Variants in MYH11 observed in about 807,000 individuals in gnomAD.
MYH11 encodes myosin-11.
MYH11 carries 80 observed loss-of-function variants against 246.6 expected under a neutral mutation model. The ratio of observed to expected loss-of-function variants is 0.32; its 90% CI spans 0.27 to 0.39. The LOEUF (loss-of-function observed/expected upper bound fraction) is 0.39. Among genes scored for constraint, MYH11 ranks in the 10% least tolerant of loss-of-function variants. MYH11 has a pLI of 1.00. For missense variants in MYH11, 2,158 were observed against 2,546.8 expected (o/e 0.85, Z 3.29); for synonymous variants, 1,071 against 1,015.5 (o/e 1.05, Z -1.04).
At chr16:15,845,540 G>T (rs2044165136) in intron 1 of MYH11, among the ~76,000 whole-genome samples, 1 of 152,070 alleles carries the variant, frequency 6.6e-6, no homozygotes, top group Admixed American at 6.6e-5. Context: ...GTTTATTTCT[G>T]GACAGCCATA....
At chr16:15,846,117 G>A (rs1457880405) in intron 1 of MYH11, among the ~76,000 whole-genome samples, 2 of 151,980 alleles carry the variant, frequency 1.3e-5, no homozygotes, top group East Asian at 3.9e-4. Flanking sequence ...AGAAGTGTCA[G>A]AGCTGGGACC....
At chr16:15,810,445 A>T (rs889973811) in intron 3 of MYH11, among the ~76,000 whole-genome samples, 1 of 152,196 alleles carries the variant, frequency 6.6e-6, no homozygotes, top group Non-Finnish European at 1.5e-5. Context: ...TGAACTTTTC[A>T]TGATTAGTCA....
intron 3 of MYH11, among the ~76,000 whole-genome samples, chr16:15,807,114 A>G (rs1045024209): frequency 2.0e-5 from 3 of 152,096 alleles, no homozygotes; most frequent in Non-Finnish European, 4.4e-5. Flanking sequence ...GGTGCATGCC[A>G]CTACGCCTGG....
intron 27 of MYH11, among the ~76,000 whole-genome samples, chr16:15,731,324 A>T (rs1356204921): frequency 6.6e-6 from 1 of 152,254 alleles, no homozygotes; most frequent in Middle Eastern, 3.4e-3. Flanking sequence ...GGTGCAAATC[A>T]TGGCTCTGTC....
At chr16:15,794,975 G>T (rs1459571796) in intron 4 of MYH11, among the ~76,000 whole-genome samples, 4 of 152,154 alleles carry the variant, frequency 2.6e-5, no homozygotes, top group Non-Finnish European at 5.9e-5. Flanking sequence ...TTCACGAGGG[G>T]AACGGGACTT....
intron 12 of MYH11, 80 bp from the exon 13 acceptor site, chr16:15,758,080 C>T (rs1318158969): frequency 7.5e-6 from 12 of 1,600,106 alleles, no homozygotes; most frequent in Admixed American, 5.0e-5. Context: ...AAGCTCCACC[C>T]GACAGCGCCC....
intron 40 of MYH11, among the ~76,000 whole-genome samples, chr16:15,711,836 G>A (rs1010572716): frequency 3.9e-5 from 6 of 152,120 alleles, no homozygotes; most frequent in African/African-American, 1.4e-4. Flanking sequence ...GGGATTACAG[G>A]CACGCCCCAC....
chr16:15,811,400 A>T (rs907664128), intron 3 of MYH11, among the ~76,000 whole-genome samples: 3 of 152,166 alleles, frequency 2.0e-5, no homozygotes, highest in Admixed American at 2.0e-4. Flanking sequence ...GAAGAGTAAC[A>T]TTCTGAGGGC....
At chr16:15,770,107 C>T (rs1441128505) in intron 9 of MYH11, among the ~76,000 whole-genome samples, 1 of 152,126 alleles carries the variant, frequency 6.6e-6, no homozygotes, top group East Asian at 1.9e-4. Context: ...AAAACTGACC[C>T]CTGTCCCAAA....
intron 5 of MYH11, 84 bp downstream of exon 5, chr16:15,786,546 G>T: frequency 7.9e-7 from 1 of 1,271,590 alleles, no homozygotes; most frequent in Non-Finnish European, 1.2e-6. Context: ...TTCTTGCAAT[G>T]ATGTTCTGTT....
chr16:15,822,196 A>G (rs2043431887), intron 3 of MYH11, among the ~76,000 whole-genome samples: 1 of 152,268 alleles, frequency 6.6e-6, no homozygotes, highest in Admixed American at 6.5e-5. Flanking sequence ...AACTTCCAGA[A>G]TTGGGCTCCT....
At chr16:15,711,313 A>T (rs945378182) in intron 40 of MYH11, 1 of 152,122 alleles carries the variant, frequency 6.6e-6, no homozygotes, top group Non-Finnish European at 1.5e-5. Context: ...AACTCTTTTT[A>T]AACAAGTCTA....
chr16:15,786,759 G>A, intron 4 of MYH11, 27 bp from the exon 5 acceptor site: 1 of 1,592,040 alleles, frequency 6.3e-7, no homozygotes, highest in Non-Finnish European at 8.6e-7. Context: ...CATCATCTAT[G>A]CACACGTTCC....
At position 15,720,959 on chromosome 16, in the gene MYH11, G is replaced by A. The variant is rs774986757; in HGVS notation, c.4671C>T (p.Ala1557=). Residue 1557 remains alanine, a synonymous_variant, in exon 33 of 41, where the codon GCC becomes GCT. Transcript: ENST00000300036. ...CCAGCCGCAGTTTGGCGTCCTCCGT[G>A]GCTTGCAGCTCGTCCTCCAGCTCTT... ...QLEELEDELQ[A]TEDAKLRLEV... The A allele has an allele frequency of 6.2e-7, 1 of 1,614,008 alleles. No homozygotes were observed. Among genetic ancestry groups the A allele is most frequent in the South Asian group, 1.1e-5 (1 of 91,062 alleles).
At chr16:15,719,474 T>C in intron 35 of MYH11, 111 bp downstream of exon 35, 3 of 1,557,484 alleles carry the variant, frequency 1.9e-6, no homozygotes, top group African/African-American at 1.4e-5. Context: ...TCTAGACAGG[T>C]GGACCCCAGA....
intron 8 of MYH11, among the ~76,000 whole-genome samples, chr16:15,773,599 T>C (rs976992428): frequency 5.3e-5 from 8 of 152,090 alleles, no homozygotes; most frequent in Non-Finnish European, 1.0e-4. Flanking sequence ...CCCAGCTATT[T>C]TTAGTTGAAT....
chr16:15,843,942 G>A (rs986728282), intron 1 of MYH11, among the ~76,000 whole-genome samples: 4 of 152,008 alleles, frequency 2.6e-5, no homozygotes, highest in African/African-American at 9.7e-5. Context: ...GAGCTCTTGT[G>A]GAATTTTTAA....
At chr16:15,776,294 C>T (rs1452739585) in intron 7 of MYH11, 118 bp from the exon 8 acceptor site, 13 of 756,210 alleles carry the variant, frequency 1.7e-5, no homozygotes, top group Non-Finnish European at 2.8e-5. Context: ...CCCCTGGGAT[C>T]GGTAATGTCT....
intron 37 of MYH11, 28 bp downstream of exon 37, chr16:15,718,287 G>C: frequency 6.2e-7 from 1 of 1,606,770 alleles, no homozygotes; most frequent in African/African-American, 1.3e-5. Flanking sequence ...AGTAGGCAGC[G>C]TGACTGTGGT....
Sources: gnomAD v4.1 joint callset for allele counts (sites outside exome capture counted in the v4.1 genomes callset) on GRCh38, gnomAD v4.1.1 for gene constraint, MANE v1.5 for transcripts, NCBI Gene and HGNC (gene_info 2026-07-23, HGNC 2026-07-21) for gene names.